RCAN2: variants seen among roughly 807,000 people sequenced by gnomAD.
The protein encoded by RCAN2 is regulator of calcineurin 2, also known as calcipressin-2.
Under a neutral mutation model 23.6 loss-of-function variants are expected in RCAN2, and 9 were observed. That is an observed-to-expected ratio of 0.38 (90% CI 0.23 to 0.67). The LOEUF (loss-of-function observed/expected upper bound fraction) is 0.67, where lower values mean the gene tolerates loss of function less well. RCAN2 is among the 30% of genes least tolerant of loss of function. The probability of loss-of-function intolerance (pLI) is 0.51; values close to 1 mark genes in which losing one functional copy is unlikely to be tolerated. For synonymous variants in RCAN2, 109 were observed against 115.7 expected (o/e 0.94, Z 0.37); for missense variants, 273 against 302.3 (o/e 0.90, Z 0.72).
intron 2 of RCAN2, among the ~76,000 whole-genome samples, chr6:46,430,044 G>A (rs1288690070): frequency 6.6e-6 from 1 of 152,158 alleles, no homozygotes; most frequent in African/African-American, 2.4e-5. Flanking sequence ...CCTTCATCCT[G>A]AAAGGAATGG....
At chr6:46,250,627 G>C (rs1469548084) in intron 2 of RCAN2, among the ~76,000 whole-genome samples, 1 of 152,220 alleles carries the variant, frequency 6.6e-6, no homozygotes, top group Non-Finnish European at 1.5e-5. Context: ...ACAGTCAGTA[G>C]CAGAGCCAGG....
intron 2 of RCAN2, among the ~76,000 whole-genome samples, chr6:46,440,960 T>C (rs1313771971): frequency 6.6e-6 from 1 of 152,246 alleles, no homozygotes; most frequent in East Asian, 1.9e-4. Context: ...TTTGTTGTTA[T>C]AATTCTGCAA....
intron 2 of RCAN2, among the ~76,000 whole-genome samples, chr6:46,449,252 A>G (rs957784187): frequency 2.0e-5 from 3 of 151,804 alleles, no homozygotes; most frequent in African/African-American, 7.2e-5. Context: ...TCAAATACTT[A>G]GAAATAAATT....
At chr6:46,302,129 G>A (rs1430425996) in intron 2 of RCAN2, among the ~76,000 whole-genome samples, 1 of 151,976 alleles carries the variant, frequency 6.6e-6, no homozygotes, top group Non-Finnish European at 1.5e-5. Flanking sequence ...GGAGTGTGAA[G>A]GTGAAATCAA....
chr6:46,279,940 C>T (rs909881045), intron 2 of RCAN2, among the ~76,000 whole-genome samples: 1 of 152,216 alleles, frequency 6.6e-6, no homozygotes, highest in Non-Finnish European at 1.5e-5. Context: ...TAGTGTTTGG[C>T]ACATGATAAC....
At chr6:46,440,956 G>T (rs1263628545) in intron 2 of RCAN2, among the ~76,000 whole-genome samples, 1 of 152,164 alleles carries the variant, frequency 6.6e-6, no homozygotes, top group Non-Finnish European at 1.5e-5. Flanking sequence ...CAACTTTGTT[G>T]TTATAATTCT....
intron 2 of RCAN2, among the ~76,000 whole-genome samples, chr6:46,257,869 C>T (rs1375375745): frequency 1.3e-5 from 2 of 152,140 alleles, no homozygotes; most frequent in African/African-American, 4.8e-5. Context: ...ATAAATATCA[C>T]TGATACATGC....
intron 2 of RCAN2, among the ~76,000 whole-genome samples, chr6:46,253,433 C>A (rs573660947): frequency 6.6e-6 from 1 of 152,252 alleles, no homozygotes; most frequent in East Asian, 1.9e-4. Flanking sequence ...AAATGGTGTT[C>A]CATGAGAAAA....
At chr6:46,435,555 A>G (rs1347136953) in intron 2 of RCAN2, among the ~76,000 whole-genome samples, 1 of 152,250 alleles carries the variant, frequency 6.6e-6, no homozygotes. Context: ...TAAATTGCCA[A>G]TCACAATTAA....
chr6:46,319,652 A>G (rs1267771970), intron 2 of RCAN2, among the ~76,000 whole-genome samples: 1 of 152,198 alleles, frequency 6.6e-6, no homozygotes, highest in African/African-American at 2.4e-5. Context: ...CTCTCTCTGA[A>G]AGATGTTTGC....
intron 2 of RCAN2, among the ~76,000 whole-genome samples, chr6:46,298,052 C>T (rs1408917384): frequency 1.3e-5 from 2 of 152,092 alleles, no homozygotes; most frequent in Non-Finnish European, 1.5e-5. Flanking sequence ...ATCCAACATG[C>T]ACCAGAAGGG....
At chr6:46,468,611 GT>G (rs1768460549) in intron 1 of RCAN2, among the ~76,000 whole-genome samples, 1 of 152,108 alleles carries the variant, frequency 6.6e-6, no homozygotes, top group Admixed American at 6.5e-5. Context: ...ATTTATTGAC[GT>G]TTTTACATCT....
intron 2 of RCAN2, among the ~76,000 whole-genome samples, chr6:46,258,942 G>A (rs959923056): frequency 2.6e-5 from 4 of 152,126 alleles, no homozygotes; most frequent in African/African-American, 9.7e-5. Context: ...AGGCAGAGCG[G>A]GGGTGAATCC....
intron 2 of RCAN2, among the ~76,000 whole-genome samples, chr6:46,374,000 T>C (rs1032508429): frequency 6.6e-6 from 1 of 152,242 alleles, no homozygotes; most frequent in African/African-American, 2.4e-5. Flanking sequence ...TGAGGCTGCC[T>C]GAATTATAGA....
intron 2 of RCAN2, among the ~76,000 whole-genome samples, chr6:46,367,053 A>ATATC (rs1561877011): frequency 2.4e-5 from 3 of 126,384 alleles, no homozygotes; most frequent in East Asian, 2.6e-4. Flanking sequence ...ATATATATAT[A>ATATC]TCCTAGCTGA....
At chr6:46,296,087 G>C (rs1762720469) in intron 2 of RCAN2, among the ~76,000 whole-genome samples, 1 of 150,350 alleles carries the variant, frequency 6.7e-6, no homozygotes, top group African/African-American at 2.5e-5. Context: ...GTGTGTGTGT[G>C]TGTGTGTGTG....
At chr6:46,351,436 T>C (rs1764643220) in intron 2 of RCAN2, among the ~76,000 whole-genome samples, 3 of 152,344 alleles carry the variant, frequency 2.0e-5, no homozygotes, top group East Asian at 1.9e-4. Context: ...GGATAGCTAG[T>C]GTGGATGTTT....
intron 1 of RCAN2, among the ~76,000 whole-genome samples, chr6:46,469,579 G>A (rs1768496618): frequency 6.6e-6 from 1 of 152,168 alleles, no homozygotes; most frequent in African/African-American, 2.4e-5. Context: ...CACCTTTTGA[G>A]AACTGGTAAC....
intron 4 of RCAN2, among the ~76,000 whole-genome samples, chr6:46,224,305 C>G (rs900431177): frequency 6.6e-6 from 1 of 152,184 alleles, no homozygotes; most frequent in Admixed American, 6.5e-5. Context: ...CCTTCACTTC[C>G]CATCTTTCAT....
Sources: allele counts gnomAD v4.1 joint callset (sites outside exome capture counted in the v4.1 genomes callset), GRCh38; gene constraint gnomAD v4.1.1; transcripts MANE v1.5; gene names NCBI Gene and HGNC (gene_info 2026-07-23, HGNC 2026-07-21).